ZNF69: variants seen among roughly 807,000 people sequenced by gnomAD.
ZNF69 encodes the protein zinc finger protein 69.
Under a neutral mutation model 50.9 loss-of-function variants are expected in ZNF69, and 47 were observed. The ratio of observed to expected loss-of-function variants is 0.92; its 90% CI spans 0.73 to 1.18. ZNF69 has a LOEUF of 1.18. Among genes scored for constraint, ZNF69 ranks in the 50% most tolerant of loss-of-function variants. ZNF69 has a pLI of 0.00. For synonymous variants in ZNF69, 216 were observed against 223.1 expected (o/e 0.97, Z 0.29); for missense variants, 717 against 675.1 (o/e 1.06, Z -0.69).
the ZNF69 span, chr19:11,947,287 T>C: frequency 2.5e-6 from 4 of 1,614,056 alleles, no homozygotes; most frequent in Non-Finnish European, 3.4e-6. Flanking sequence ...CTGGAAACTT[T>C]CAGGAACCTG....
At chr19:11,966,807 G>A in the ZNF69 span, among the ~76,000 whole-genome samples, 5,292 of 152,236 alleles carry the variant, frequency 0.035, 331 homozygotes, top group African/African-American at 0.12. Flanking sequence ...CGAAATAATC[G>A]AAAGGTTCAG....
Position 11,905,386 on chromosome 19 carries a change from A to G in ZNF69, c.989A>G (p.Lys330Arg), listed in dbSNP as rs1972346525. ...RIHERTHSRK[K>R]PYECTQCGKA... ...CATGAAAGGACCCACTCTAGGAAAAAACCCTATGAATGTACGCAGTGTGGG... is the reference window on the plus strand; with the variant it reads ...CATGAAAGGACCCACTCTAGGAAAAGACCCTATGAATGTACGCAGTGTGGG... Residue 330 changes from lysine to arginine, a missense_variant, in exon 4 of 4, where the codon AAA (lysine) becomes AGA (arginine). Transcript: ENST00000429654. 6.2e-7 allele frequency: 1 copy of G among 1,614,042 alleles called. No homozygotes were observed. The highest frequency in any genetic ancestry group is 1.3e-5 in the African/African-American group (1 of 74,928).
rs1280528182 is a variant in ZNF69 at position 11,906,363 on chromosome 19, G to C, written c.*265G>C. ...GCATGGAGTTTGAGATCTAAGAATG[G>C]ACAGTCTGCCTCCTCAAGTGGGTCC... On this transcript the variant is annotated 3_prime_UTR_variant, in exon 4 of 4. Transcript: ENST00000429654. The C allele has an allele frequency of 3.3e-6, 3 of 916,484 alleles. No individual in the cohort carries two copies. Among genetic ancestry groups the C allele is most frequent in the Non-Finnish European group, 4.3e-6 (3 of 702,798 alleles). 56.8% of individuals were successfully genotyped at this position (916,484 alleles called of 1,614,324 possible). A position where few individuals can be genotyped will look rare whatever the true frequency, so the allele number is the denominator to read the frequency against.
the ZNF69 span, among the ~76,000 whole-genome samples, chr19:11,963,088 AGTGTGTGTGTGT>A: frequency 2.2e-5 from 3 of 138,248 alleles, no homozygotes; most frequent in South Asian, 4.4e-4. Context: ...AGAGAGAGAG[AGTGTGTGTGTGT>A]GTGTGTGTGT....
intron 1 of ZNF69, among the ~76,000 whole-genome samples, chr19:11,901,577 C>T (rs926366461): frequency 1.3e-4 from 20 of 152,138 alleles, no homozygotes; most frequent in Admixed American, 8.5e-4. Context: ...CTCTGCCTCC[C>T]AGGTTCAAAT....
the ZNF69 span, among the ~76,000 whole-genome samples, chr19:11,938,178 C>T: frequency 6.6e-6 from 1 of 152,044 alleles, no homozygotes; most frequent in Non-Finnish European, 1.5e-5. Flanking sequence ...AAATGATTCT[C>T]CTGCCTCAGC....
the ZNF69 span, among the ~76,000 whole-genome samples, chr19:11,932,149 A>G: frequency 0.011 from 1,623 of 147,520 alleles, 59 homozygotes; most frequent in South Asian, 0.022. Context: ...AAGAAAATAA[A>G]TTAGTCCAGC....
chr19:11,931,011 AAAC>A, the ZNF69 span, among the ~76,000 whole-genome samples: 1 of 147,718 alleles, frequency 6.8e-6, no homozygotes. Context: ...AAAAAAAAAA[AAAC>A]AACATAGATG....
At chr19:11,950,106 T>TG in the ZNF69 span, 1 of 1,614,112 alleles carries the variant, frequency 6.2e-7, no homozygotes, top group Non-Finnish European at 8.5e-7. Context: ...TTCAAATACA[T>TG]GCAAGAACAC....
the ZNF69 span, among the ~76,000 whole-genome samples, chr19:11,929,338 A>G: frequency 6.1e-5 from 9 of 147,812 alleles, no homozygotes; most frequent in South Asian, 6.3e-4. Context: ...TGATTTTTGT[A>G]TTTTTAGTAA....
the ZNF69 span, chr19:11,977,479 T>G: frequency 3.1e-6 from 5 of 1,591,220 alleles, no homozygotes; most frequent in Non-Finnish European, 4.3e-6. Context: ...GATTTTAGTA[T>G]ATGATAATAT....
the ZNF69 span, among the ~76,000 whole-genome samples, chr19:11,963,565 A>C: frequency 2.0e-5 from 3 of 152,126 alleles, no homozygotes; most frequent in South Asian, 6.2e-4. Context: ...CCTCCTCATC[A>C]ATGACTTCTT....
downstream of ZNF69, among the ~76,000 whole-genome samples, chr19:11,917,862 A>G (rs1057463670): frequency 6.9e-6 from 1 of 144,324 alleles, no homozygotes; most frequent in Non-Finnish European, 1.5e-5. Flanking sequence ...ATCTCGGCTC[A>G]CTGCAACCTT....
exon 5 of ZNF69, chr19:11,913,500 TGCTTCAGCCTCCTGAGTAGCTGGGA>T: frequency 2.2e-6 from 1 of 448,490 alleles, no homozygotes; most frequent in Non-Finnish European, 4.1e-6. Context: ...GCAACTCTCC[TGCTTCAGCCTCCTGAGTAGCTGGGA>T]CTACAGGCAT....
downstream of ZNF69, among the ~76,000 whole-genome samples, chr19:11,908,095 AG>A (rs1407557842): frequency 6.6e-6 from 1 of 152,252 alleles, no homozygotes; most frequent in Non-Finnish European, 1.5e-5. Flanking sequence ...ATAAAGGTAA[AG>A]GGATCAATTC....
downstream of ZNF69, among the ~76,000 whole-genome samples, chr19:11,918,660 G>T (rs1015829358): frequency 6.6e-6 from 1 of 151,920 alleles, no homozygotes; most frequent in Non-Finnish European, 1.5e-5. Flanking sequence ...TCACGGTTTT[G>T]CCCAGGCTGG....
At chr19:11,947,492 T>C in the ZNF69 span, 1 of 1,611,052 alleles carries the variant, frequency 6.2e-7, no homozygotes, top group Non-Finnish European at 8.5e-7. Context: ...TTCAGGACTA[T>C]TTTTCTGTGT....
At chr19:11,968,316 A>G in the ZNF69 span, among the ~76,000 whole-genome samples, 2 of 151,984 alleles carry the variant, frequency 1.3e-5, no homozygotes, top group African/African-American at 2.4e-5. Context: ...CAGTGGTGCG[A>G]TCATGGCTTA....
chr19:11,889,778 G>C (rs1362908548), intron 1 of ZNF69, among the ~76,000 whole-genome samples: 2 of 152,194 alleles, frequency 1.3e-5, no homozygotes, highest in African/African-American at 4.8e-5. Context: ...GCTGGTCTCT[G>C]AGTTCCCTCA....
Sources: allele counts gnomAD v4.1 joint callset (sites outside exome capture counted in the v4.1 genomes callset), GRCh38; gene constraint gnomAD v4.1.1; transcripts MANE v1.5; gene names NCBI Gene and HGNC (gene_info 2026-07-23, HGNC 2026-07-21).